Variants in GPAT3 observed in about 807,000 individuals in gnomAD.
The protein encoded by GPAT3 is glycerol-3-phosphate acyltransferase 3.
In GPAT3, 53 loss-of-function variants were observed where a neutral mutation model predicts 58.8. The observed-to-expected ratio is 0.90, with a 90% CI of 0.72 to 1.13. The LOEUF is 1.13. Among genes scored for constraint, GPAT3 ranks in the 50% most tolerant of loss-of-function variants. GPAT3 has a pLI of 0.00. For missense variants in GPAT3, 511 were observed against 527.6 expected (o/e 0.97, Z 0.31); for synonymous variants, 197 against 187.4 (o/e 1.05, Z -0.42).
chr4:83,581,401 C>G (rs1726119137), intron 2 of GPAT3, among the ~76,000 whole-genome samples, 161 bp from the exon 3 acceptor site: 1 of 152,042 alleles, frequency 6.6e-6, no homozygotes, highest in Admixed American at 6.6e-5. Flanking sequence ...ACCTCTTTTC[C>G]CACTGCAATT....
intron 2 of GPAT3, among the ~76,000 whole-genome samples, chr4:83,559,841 T>C (rs1433119570): frequency 6.6e-6 from 1 of 152,138 alleles, no homozygotes; most frequent in African/African-American, 2.4e-5. Context: ...CACAGTAGGC[T>C]GGGGAGATGG....
chr4:83,537,589 A>ATGTGTGTG (rs1491311222), intron 1 of GPAT3, among the ~76,000 whole-genome samples: 22 of 125,488 alleles, frequency 1.8e-4, no homozygotes, highest in African/African-American at 6.6e-4. Flanking sequence ...TATATGTATA[A>ATGTGTGTG]TATGTGTGTG....
In GPAT3 at chr4:83,561,531, T is replaced by C. The variant is rs114887969; in HGVS notation, c.208+16929T>C. ...CATTGTCAGTGACTCATTGTCCAAA[T>C]CAATGAGTTTACTTGCCAGTGTGTA... On this transcript the variant is annotated intron_variant, in intron 2 of 11. Transcript: ENST00000264409. 1.9e-3 allele frequency among the ~76,000 whole-genome samples: 282 copies of C among 152,242 alleles called. 1 individual carries two copies. Among genetic ancestry groups the C allele is most frequent in the African/African-American group, 6.4e-3 (265 of 41,552 alleles).
intron 2 of GPAT3, among the ~76,000 whole-genome samples, chr4:83,564,234 G>A (rs972749007): frequency 5.3e-5 from 8 of 152,190 alleles, no homozygotes; most frequent in South Asian, 2.1e-4. Flanking sequence ...CAATAGACAA[G>A]AAGTGGAAAT....
intron 2 of GPAT3, among the ~76,000 whole-genome samples, chr4:83,578,627 C>T (rs1293158299): frequency 6.6e-6 from 1 of 152,190 alleles, no homozygotes; most frequent in Non-Finnish European, 1.5e-5. Flanking sequence ...TTCCCTCCTG[C>T]TGTAATGAAA....
In GPAT3 at chr4:83,579,081, C is replaced by CCTTCCTTCCTTCCTT. The variant is rs1560621462; in HGVS notation, c.209-2480_209-2479insTTCCTTCCTTCCTTC. On this transcript the variant is annotated intron_variant, in intron 2 of 11. Coordinates refer to ENST00000264409, the MANE Select transcript of GPAT3 (RefSeq NM_032717.5). The stretch of plus-strand genomic sequence containing the variant: ...TTCTTTCTTTCTTTCTTTCTTTCTT[C>CCTTCCTTCCTTCCTT]CCTTCCTTCCTTCCTTCCTTCCTTC... Among the ~76,000 whole-genome samples the CCTTCCTTCCTTCCTT allele has an allele frequency of 2.1e-3, 41 of 19,668 alleles. 4 individuals carry two copies. Among genetic ancestry groups the CCTTCCTTCCTTCCTT allele is most frequent in the African/African-American group, 6.1e-3 (33 of 5,426 alleles). The allele number at this position is 19,668 out of a possible 152,430, so 12.9% of individuals were successfully genotyped here.
At position 83,581,945 on chromosome 4, in the gene GPAT3, T is replaced by C. The variant is rs1321104024; in HGVS notation, c.479+113T>C. ...GGTGCTTATTCCACCCATTCCCACG[T>C]AGGAAATGCCACCAAACATGACCTC... On this transcript the variant is annotated intron_variant, in intron 3 of 11. Coordinates refer to ENST00000264409, the MANE Select transcript of GPAT3 (RefSeq NM_032717.5). 4 of 1,388,112 alleles carry C rather than the reference T, an allele frequency of 2.9e-6. No homozygotes were observed. In the African/African-American group the frequency reaches 5.8e-5, roughly 20 times the overall value. The allele number at this position is 1,388,112 out of a possible 1,614,324, so 86.0% of individuals were successfully genotyped here.
chr4:83,543,205 T>G (rs1724373340), intron 1 of GPAT3, among the ~76,000 whole-genome samples: 1 of 151,716 alleles, frequency 6.6e-6, no homozygotes, highest in African/African-American at 2.4e-5. Flanking sequence ...GAGGCTGAGG[T>G]GGGAGGATTG....
At chr4:83,577,532 A>G (rs1191523781) in intron 2 of GPAT3, among the ~76,000 whole-genome samples, 1 of 152,204 alleles carries the variant, frequency 6.6e-6, no homozygotes, top group Non-Finnish European at 1.5e-5. Context: ...ATATACATAT[A>G]AAGATAGAAC....
chr4:83,584,117 T>C (rs560804424), intron 3 of GPAT3, among the ~76,000 whole-genome samples: 1 of 152,236 alleles, frequency 6.6e-6, no homozygotes, highest in Non-Finnish European at 1.5e-5. Flanking sequence ...TTGTTGTTGG[T>C]TAGCTTTCAC....
At chr4:83,538,946 A>T (rs940716201) in intron 1 of GPAT3, among the ~76,000 whole-genome samples, 1 of 152,182 alleles carries the variant, frequency 6.6e-6, no homozygotes, top group Non-Finnish European at 1.5e-5. Flanking sequence ...ATACAGATTC[A>T]TTGTGTGAGC....
At chr4:83,557,480 A>G (rs150553963) in intron 2 of GPAT3, among the ~76,000 whole-genome samples, 6 of 152,286 alleles carry the variant, frequency 3.9e-5, no homozygotes, top group Non-Finnish European at 8.8e-5. Flanking sequence ...CTTGGGCCAC[A>G]CATAAAATAC....
At chr4:83,598,357 T>C (rs1726927574) in intron 10 of GPAT3, among the ~76,000 whole-genome samples, 178 bp downstream of exon 10, 1 of 152,202 alleles carries the variant, frequency 6.6e-6, no homozygotes, top group Non-Finnish European at 1.5e-5. Context: ...GAGATTATTT[T>C]CCACGATGGT....
At chr4:83,587,131 G>A (rs113888921) in intron 3 of GPAT3, 124 bp from the exon 4 acceptor site, 6 of 711,034 alleles carry the variant, frequency 8.4e-6, no homozygotes, top group African/African-American at 3.6e-5. Flanking sequence ...TATTTTAGTG[G>A]CTGCATCATA....
intron 2 of GPAT3, among the ~76,000 whole-genome samples, chr4:83,579,503 G>A (rs1012415011): frequency 7.2e-5 from 11 of 151,790 alleles, no homozygotes; most frequent in African/African-American, 2.7e-4. Flanking sequence ...TGTTGCCCAG[G>A]TAGGTCTCAA....
intron 2 of GPAT3, among the ~76,000 whole-genome samples, chr4:83,578,541 G>GA: frequency 6.6e-6 from 1 of 152,124 alleles, no homozygotes; most frequent in Non-Finnish European, 1.5e-5. Context: ...TGGCCCCTCT[G>GA]AAAAAGGTTA....
At chr4:83,601,438 G>GTTA (rs1248391318) in intron 11 of GPAT3, among the ~76,000 whole-genome samples, 1 of 152,188 alleles carries the variant, frequency 6.6e-6, no homozygotes, top group African/African-American at 2.4e-5. Context: ...AATTTCTACA[G>GTTA]TGAAAACTCA....
chr4:83,603,762 C>T (rs1727151161), intron 11 of GPAT3, among the ~76,000 whole-genome samples: 1 of 146,728 alleles, frequency 6.8e-6, no homozygotes. Flanking sequence ...TGCACTCCAG[C>T]CTGGACAACA....
At chr4:83,574,624 A>ATATTTTTTTT in intron 2 of GPAT3, among the ~76,000 whole-genome samples, 1 of 55,560 alleles carries the variant, frequency 1.8e-5, no homozygotes, top group Non-Finnish European at 3.5e-5. Flanking sequence ...AGTAAAATGA[A>ATATTTTTTTT]TTTTTTTTTT....
Sources: allele counts gnomAD v4.1 joint callset (sites outside exome capture counted in the v4.1 genomes callset), GRCh38; gene constraint gnomAD v4.1.1; transcripts MANE v1.5; gene names NCBI Gene and HGNC (gene_info 2026-07-23, HGNC 2026-07-21).